XIRP2: variants seen among roughly 807,000 people sequenced by gnomAD.
The protein encoded by XIRP2 is xin actin-binding repeat-containing protein 2.
In XIRP2, 236 loss-of-function variants were observed where a neutral mutation model predicts 277.0. The ratio of observed to expected loss-of-function variants is 0.85; its 90% CI spans 0.77 to 0.95. XIRP2 has a LOEUF of 0.95. XIRP2 is among the 40% of genes least tolerant of loss of function. XIRP2 has a pLI of 0.00. For synonymous variants in XIRP2, 1,490 were observed against 1,416.5 expected, an observed-to-expected ratio of 1.05 and a Z score of -1.17; for missense variants, 4,640 against 4,157.5, an observed-to-expected ratio of 1.12 and a Z score of -3.19.
At chr2:167,087,414 C>T (rs1224599060) in intron 2 of XIRP2, among the ~76,000 whole-genome samples, 2 of 152,084 alleles carry the variant, frequency 1.3e-5, no homozygotes, top group Non-Finnish European at 1.5e-5. Context: ...GTGCCCTGCC[C>T]CACAGGTGGA....
rs1254788192 is a variant in XIRP2 at position 167,243,866 on chromosome 2, A to G, written c.2474A>G (p.Glu825Gly). 3.7e-6 allele frequency: 6 copies of G among 1,613,890 alleles called. No homozygotes were observed. In the Admixed American group the frequency reaches 1.0e-4, roughly 27 times the overall value. Reference protein sequence around the residue: ...QPLEKIKESEEVIIEKEKIIG... With the variant: ...QPLEKIKESEGVIIEKEKIIG... ...TTGGAGAAAATCAAAGAGTCAGAAG[A>G]GGTCATCATTGAAAAGGAAAAAATA... is the stretch of plus-strand genomic sequence containing the variant. The change falls in exon 9 of 11, where the codon GAG (glutamate) becomes GGG (glycine). Residue 825 changes from glutamate to glycine, a missense_variant. Physicochemically the swap from Glu to Gly is moderately conservative, Grantham distance 98. Transcript: ENST00000409195.
chr2:167,102,592 C>G (rs927984168), intron 2 of XIRP2, among the ~76,000 whole-genome samples: 1 of 152,042 alleles, frequency 6.6e-6, no homozygotes, highest in Admixed American at 6.6e-5. Context: ...TGTAAATGTA[C>G]CATTTAAAAT....
At chr2:167,090,299 C>T (rs909228044) in intron 2 of XIRP2, among the ~76,000 whole-genome samples, 5 of 151,970 alleles carry the variant, frequency 3.3e-5, no homozygotes, top group Non-Finnish European at 7.4e-5. Flanking sequence ...ACAACTGATA[C>T]GTGATTGAGT....
intron 3 of XIRP2, among the ~76,000 whole-genome samples, chr2:167,143,942 A>G (rs1370404718): frequency 6.6e-6 from 1 of 152,106 alleles, no homozygotes; most frequent in Non-Finnish European, 1.5e-5. Flanking sequence ...ATGTATTTTT[A>G]TTTTCAAGAG....
intron 4 of XIRP2, among the ~76,000 whole-genome samples, chr2:167,212,697 C>G (rs1410653498): frequency 6.6e-6 from 1 of 152,208 alleles, no homozygotes; most frequent in Non-Finnish European, 1.5e-5. Flanking sequence ...CTGAATTCAA[C>G]TTCTTCCTCT....
intron 2 of XIRP2, among the ~76,000 whole-genome samples, chr2:166,922,670 TA>T (rs926529797): frequency 6.6e-6 from 1 of 151,108 alleles, no homozygotes; most frequent in Non-Finnish European, 1.5e-5. Context: ...CACACAACAT[TA>T]AAAGTAAGCA....
At chr2:167,179,393 T>A (rs943940962) in intron 3 of XIRP2, among the ~76,000 whole-genome samples, 1 of 150,918 alleles carries the variant, frequency 6.6e-6, no homozygotes, top group African/African-American at 2.4e-5. Flanking sequence ...CCATCTCGGC[T>A]CACTGCAACC....
intron 3 of XIRP2, among the ~76,000 whole-genome samples, chr2:167,145,994 C>G (rs1691852555): frequency 6.6e-6 from 1 of 151,818 alleles, no homozygotes; most frequent in Non-Finnish European, 1.5e-5. Flanking sequence ...AGATATTGAG[C>G]TGGATTAAAA....
intron 5 of XIRP2, among the ~76,000 whole-genome samples, chr2:167,228,011 T>G (rs1284592000): frequency 6.6e-6 from 1 of 152,188 alleles, no homozygotes; most frequent in East Asian, 1.9e-4. Context: ...AGAGCTTTAC[T>G]TAATTATAAA....
At chr2:167,028,454 A>G (rs1329291354) in intron 2 of XIRP2, among the ~76,000 whole-genome samples, 7 of 152,112 alleles carry the variant, frequency 4.6e-5, no homozygotes, top group Non-Finnish European at 4.4e-5. Flanking sequence ...ACCCAAGGCC[A>G]CCAAGGCAAT....
At chr2:167,133,835 T>G (rs2105316503) in intron 2 of XIRP2, among the ~76,000 whole-genome samples, 1 of 152,298 alleles carries the variant, frequency 6.6e-6, no homozygotes, top group East Asian at 1.9e-4. Context: ...GATAAGGATG[T>G]TATACTCGTG....
chr2:166,934,869 A>G lies in XIRP2; in HGVS notation c.408+30979A>G, dbSNP rs1008480605. Among the ~76,000 whole-genome samples the G allele has an allele frequency of 2.0e-4, 30 of 151,470 alleles. 2 individuals are homozygous for G. Among genetic ancestry groups the G allele is most frequent in the Admixed American group, 1.6e-3 (24 of 15,284 alleles). ...TAAAAATAAAAAAAAAATTTTTTAA[A>G]AAAGAAAAATAATTAACTAGTTGTG... is the stretch of plus-strand genomic sequence containing the variant. On this transcript the variant is annotated intron_variant, in intron 2 of 10. Coordinates refer to ENST00000409195, the MANE Select transcript of XIRP2 (RefSeq NM_152381.6).
In XIRP2 at chr2:167,227,715, T is replaced by A. The variant is rs1336196356; in HGVS notation, c.858+9415T>A. On this transcript the variant is annotated intron_variant, in intron 5 of 10. Coordinates refer to ENST00000409195, the MANE Select transcript of XIRP2 (RefSeq NM_152381.6). ...AAGTGAGACCCTGTCTCAAAAAAAA[T>A]TTTCTAATAAAATAAATGATAGAAT... 2.6e-5 allele frequency among the ~76,000 whole-genome samples: 4 copies of A among 151,356 alleles called. No homozygotes were observed. The East Asian group carries it at 7.8e-4, about 29-fold the overall frequency.
At chr2:166,894,131 G>GACATAAACT (rs1324881690) in intron 1 of XIRP2, among the ~76,000 whole-genome samples, 5 of 151,982 alleles carry the variant, frequency 3.3e-5, no homozygotes, top group African/African-American at 1.2e-4. Flanking sequence ...ATTATAATTA[G>GACATAAACT]ACATAAACTC....
intron 5 of XIRP2, among the ~76,000 whole-genome samples, chr2:167,220,887 T>C (rs560473892): frequency 1.3e-5 from 2 of 152,310 alleles, no homozygotes; most frequent in African/African-American, 4.8e-5. Context: ...ATTATTATAA[T>C]ATATGTAGTC....
At chr2:167,164,284 CAA>C (rs368415759) in intron 3 of XIRP2, among the ~76,000 whole-genome samples, 2 of 142,002 alleles carry the variant, frequency 1.4e-5, no homozygotes. Context: ...ACTAAAAATA[CAA>C]AAAAAAAAAA....
intron 2 of XIRP2, among the ~76,000 whole-genome samples, chr2:166,934,087 G>A (rs1220720726): frequency 1.3e-5 from 2 of 151,584 alleles, no homozygotes; most frequent in African/African-American, 4.9e-5. Context: ...ATTGAGTAAG[G>A]GTGGGGCCTT....
At chr2:167,116,508 T>C (rs1236086770) in intron 2 of XIRP2, among the ~76,000 whole-genome samples, 1 of 152,198 alleles carries the variant, frequency 6.6e-6, no homozygotes, top group Non-Finnish European at 1.5e-5. Flanking sequence ...CGACTTATTC[T>C]TTCAACCTAC....
intron 2 of XIRP2, among the ~76,000 whole-genome samples, chr2:167,012,288 A>G (rs554980539): frequency 2.0e-5 from 3 of 151,976 alleles, no homozygotes; most frequent in African/African-American, 7.2e-5. Context: ...TTCAAAGAAC[A>G]TCTTTATTTC....
Sources: gnomAD v4.1 joint callset for allele counts (sites outside exome capture counted in the v4.1 genomes callset) on GRCh38, gnomAD v4.1.1 for gene constraint, MANE v1.5 for transcripts, NCBI Gene and HGNC (gene_info 2026-07-23, HGNC 2026-07-21) for gene names.